Variants in WWOX observed in about 807,000 individuals in gnomAD.
WWOX encodes the protein WW domain-containing oxidoreductase.
WWOX carries 69 observed loss-of-function variants against 46.2 expected under a neutral mutation model. The observed-to-expected ratio is 1.49, with a 90% CI of 1.23 to 1.82. WWOX has a LOEUF of 1.82. Ranked by LOEUF, WWOX falls within the 40% of genes most tolerant of loss-of-function variation. The probability of loss-of-function intolerance (pLI) is 0.00; values close to 1 mark genes in which losing one functional copy is unlikely to be tolerated. For synonymous variants in WWOX, 359 were observed against 202.6 expected (o/e 1.77, Z -6.56); for missense variants, 919 against 542.6 (o/e 1.69, Z -6.89).
chr16:78,309,032 C>G (rs1474965533), intron 5 of WWOX, among the ~76,000 whole-genome samples: 1 of 152,176 alleles, frequency 6.6e-6, no homozygotes, highest in African/African-American at 2.4e-5. Flanking sequence ...AAAATCAGTC[C>G]TTTCTATTGA....
At chr16:78,410,090 A>G (rs2082642764) in intron 6 of WWOX, among the ~76,000 whole-genome samples, 1 of 152,174 alleles carries the variant, frequency 6.6e-6, no homozygotes, top group African/African-American at 2.4e-5. Flanking sequence ...AAGTGAGTTC[A>G]CATGATATCT....
intron 8 of WWOX, among the ~76,000 whole-genome samples, chr16:79,029,662 T>C (rs59845969): frequency 6.6e-6 from 1 of 152,220 alleles, no homozygotes; most frequent in East Asian, 1.9e-4. Flanking sequence ...AATGAGAAAT[T>C]GCTTGTCCTT....
intron 8 of WWOX, among the ~76,000 whole-genome samples, chr16:78,836,552 G>C (rs1206206078): frequency 6.6e-6 from 1 of 152,146 alleles, no homozygotes; most frequent in Admixed American, 6.5e-5. Context: ...TGTTGTTTGG[G>C]AGGAAAGAGA....
At chr16:78,820,905 T>C (rs2051475800) in intron 8 of WWOX, among the ~76,000 whole-genome samples, 1 of 152,184 alleles carries the variant, frequency 6.6e-6, no homozygotes, top group Admixed American at 6.5e-5. Flanking sequence ...TTCTAATCTC[T>C]ACTTCCTCCC....
chr16:78,793,688 T>C (rs747588640), intron 8 of WWOX, among the ~76,000 whole-genome samples: 2 of 152,184 alleles, frequency 1.3e-5, no homozygotes, highest in Non-Finnish European at 2.9e-5. Context: ...AAATAACTTA[T>C]AATTACATTC....
chr16:78,689,897 G>C (rs903630973), intron 8 of WWOX, among the ~76,000 whole-genome samples: 2 of 152,078 alleles, frequency 1.3e-5, no homozygotes, highest in Non-Finnish European at 2.9e-5. Context: ...GTCTCACTCT[G>C]TTGCCCAGGC....
intron 8 of WWOX, among the ~76,000 whole-genome samples, chr16:79,014,333 G>A (rs894584087): frequency 3.3e-5 from 5 of 152,062 alleles, no homozygotes; most frequent in South Asian, 2.1e-4. Context: ...GCTGGCAGTC[G>A]GGCAGTGACA....
chr16:78,358,672 A>ATGTG (rs59222504), intron 5 of WWOX, among the ~76,000 whole-genome samples: 4 of 151,268 alleles, frequency 2.6e-5, no homozygotes, highest in Admixed American at 6.6e-5. Context: ...AATAAATAAT[A>ATGTG]TGTGTGTGTG....
intron 8 of WWOX, among the ~76,000 whole-genome samples, chr16:78,711,581 G>A (rs1006950860): frequency 6.6e-6 from 1 of 152,206 alleles, no homozygotes; most frequent in African/African-American, 2.4e-5. Context: ...ATGACGGAAT[G>A]ATAAACCTTA....
At chr16:78,779,461 G>A (rs914687776) in intron 8 of WWOX, among the ~76,000 whole-genome samples, 4 of 152,100 alleles carry the variant, frequency 2.6e-5, no homozygotes, top group Admixed American at 1.3e-4. Context: ...TTAAAGTGGG[G>A]TATTAAGGCT....
At chr16:78,451,041 G>A (rs953520616) in intron 8 of WWOX, among the ~76,000 whole-genome samples, 3 of 152,170 alleles carry the variant, frequency 2.0e-5, no homozygotes, top group Admixed American at 2.0e-4. Context: ...CTTGGACTGT[G>A]GTTTGCTTTC....
intron 8 of WWOX, among the ~76,000 whole-genome samples, chr16:78,880,313 T>G (rs2044317323): frequency 6.6e-6 from 1 of 152,236 alleles, no homozygotes; most frequent in Non-Finnish European, 1.5e-5. Flanking sequence ...CTCTAATGCT[T>G]TCACCCGTAC....
chr16:78,476,146 A>G (rs1397833745), intron 8 of WWOX, among the ~76,000 whole-genome samples: 1 of 152,182 alleles, frequency 6.6e-6, no homozygotes, highest in African/African-American at 2.4e-5. Context: ...TGGTGAAGCT[A>G]CTGGATAGAA....
chr16:78,636,999 G>A (rs137893616), intron 8 of WWOX, among the ~76,000 whole-genome samples: 7 of 152,264 alleles, frequency 4.6e-5, no homozygotes, highest in Middle Eastern at 3.4e-3. Context: ...AGGCAAGTGC[G>A]CATTTGAGAC....
intron 8 of WWOX, among the ~76,000 whole-genome samples, chr16:78,504,325 C>A (rs983551088): frequency 6.6e-6 from 1 of 152,164 alleles, no homozygotes; most frequent in Non-Finnish European, 1.5e-5. Flanking sequence ...GATTGTTTTT[C>A]TGAAAGAAAT....
rs185500183 is a variant in WWOX at position 78,235,460 on chromosome 16, A to C, written c.516+71171A>C. ...AGGAGGTTAAAGAAAGGGACAGCAG[A>C]ACCCTGACAATCCTTGCCCCTAAGC... On this transcript the variant is annotated intron_variant, in intron 5 of 8. Coordinates refer to ENST00000566780, the MANE Select transcript of WWOX (RefSeq NM_016373.4). Among the ~76,000 whole-genome samples, 15 of 152,250 alleles carry C rather than the reference A, an allele frequency of 9.9e-5. No individual in the cohort carries two copies. The East Asian group carries it at 1.5e-3, about 16-fold the overall frequency.
chr16:78,708,172 T>C (rs959267291), intron 8 of WWOX, among the ~76,000 whole-genome samples: 5 of 152,088 alleles, frequency 3.3e-5, no homozygotes, highest in Non-Finnish European at 7.4e-5. Flanking sequence ...GCCAGAGTGG[T>C]AGAGCAAGAC....
intron 5 of WWOX, among the ~76,000 whole-genome samples, chr16:78,366,116 G>C (rs754227524): frequency 6.6e-6 from 1 of 152,154 alleles, no homozygotes; most frequent in Non-Finnish European, 1.5e-5. Flanking sequence ...CTTGGGAAAT[G>C]TCTAGAAACC....
chr16:78,412,164 A>G (rs1403734289), intron 6 of WWOX, among the ~76,000 whole-genome samples: 1 of 152,190 alleles, frequency 6.6e-6, no homozygotes, highest in African/African-American at 2.4e-5. Context: ...AGATACTGAC[A>G]TTGACCAGTC....
Sources: allele counts gnomAD v4.1 joint callset (sites outside exome capture counted in the v4.1 genomes callset), GRCh38; gene constraint gnomAD v4.1.1; transcripts MANE v1.5; gene names NCBI Gene and HGNC (gene_info 2026-07-23, HGNC 2026-07-21).